Variants in EIF5B observed in about 807,000 individuals in gnomAD.
EIF5B encodes eIF-5B.
In EIF5B, 47 loss-of-function variants were observed where a neutral mutation model predicts 147.5. That is an observed-to-expected ratio of 0.32 (90% CI 0.25 to 0.41). The LOEUF is 0.41. Ranked by LOEUF, EIF5B falls within the 10% of genes least tolerant of loss-of-function variation. The pLI is 1.00. For missense variants in EIF5B, 1,064 were observed against 1,413.2 expected (o/e 0.75, Z 3.96); for synonymous variants, 455 against 456.2 (o/e 1.00, Z 0.03).
At position 99,376,348 on chromosome 2, in the gene EIF5B, A is replaced by G; in HGVS notation, c.1554A>G (p.Val518=). The change falls in exon 10 of 24, where the codon GTA becomes GTG. Residue 518 remains valine, a splice_region_variant and synonymous_variant. Transcript: ENST00000289371. The part of the protein sequence containing the change: ...AMASDEETEK[V]EGNKVHIEVK... ...TTAAAAATATATTTGCTTTCGTAGT[A>G]GAAGGAAACAAAGTTCATATAGAAG... is the stretch of plus-strand genomic sequence containing the variant. 7.2e-7 allele frequency: 1 copy of G among 1,387,484 alleles called. No individual in the cohort carries two copies. Among genetic ancestry groups the G allele is most frequent in the Middle Eastern group, 2.0e-4 (1 of 5,016 alleles). 85.9% of individuals were successfully genotyped at this position (1,387,484 alleles called of 1,614,324 possible). A position where few individuals can be genotyped will look rare whatever the true frequency, so the allele number is the denominator to read the frequency against.
chr2:99,377,898 C>G (rs1371906215), intron 10 of EIF5B, among the ~76,000 whole-genome samples: 2 of 152,162 alleles, frequency 1.3e-5, no homozygotes, highest in Admixed American at 1.3e-4. Flanking sequence ...GGTTTGTATT[C>G]TTGTCCTGTC....
intron 17 of EIF5B, among the ~76,000 whole-genome samples, chr2:99,392,263 T>C (rs1389858754): frequency 6.6e-6 from 1 of 151,934 alleles, no homozygotes; most frequent in Admixed American, 6.6e-5. Flanking sequence ...TTAGTAGAGG[T>C]GGGGTTTTGC....
At chr2:99,351,764 C>A (rs1329792309) in intron 1 of EIF5B, among the ~76,000 whole-genome samples, 2 of 152,072 alleles carry the variant, frequency 1.3e-5, no homozygotes, top group Non-Finnish European at 2.9e-5. Context: ...GTGGCGTGAT[C>A]TTGGCTCACT....
In EIF5B at chr2:99,361,160, A is replaced by G; in HGVS notation, c.259A>G (p.Asn87Asp). 6.6e-7 allele frequency: 1 copy of G among 1,510,018 alleles called. No individual in the cohort carries two copies. The highest frequency in any genetic ancestry group is 8.8e-7 in the Non-Finnish European group (1 of 1,134,316). 93.5% of individuals were successfully genotyped at this position (1,510,018 alleles called of 1,614,324 possible). Residue 87 changes from asparagine (N) to aspartate (D), a missense_variant, in exon 4 of 24, where the codon AAT (asparagine) becomes GAT (aspartate). Around this residue, in one of 4 missense-constraint regions of EIF5B, gnomAD observed 458 missense variants for 451.3 expected, o/e 1.01. Transcript: ENST00000289371. ...GGAAATTTTTTAGCCAACAGAAAAC[A>G]ATGAAGAGGAATTCACCTCAAAAGA... ...ETVAVKPTENNEEEFTSKDKK... is the reference protein window; with the variant it reads ...ETVAVKPTENDEEEFTSKDKK...
At chr2:99,393,525 G>A (rs936948550) in intron 18 of EIF5B, among the ~76,000 whole-genome samples, 12 of 151,926 alleles carry the variant, frequency 7.9e-5, no homozygotes, top group African/African-American at 2.9e-4. Context: ...GCTAGAAATT[G>A]TATATTCTTT....
At position 99,360,563 on chromosome 2, in the gene EIF5B, C is replaced by G; in HGVS notation, c.246+14C>G. On this transcript the variant is annotated intron_variant, in intron 3 of 23. Transcript: ENST00000289371. ...GTTGCAGTGAAGGTGAAAGACAGACCTTTGTTACCTATTCGTATTTCGTAT... is the reference window on the plus strand; with the variant it reads ...GTTGCAGTGAAGGTGAAAGACAGACGTTTGTTACCTATTCGTATTTCGTAT... 6.2e-7 allele frequency: 1 copy of G among 1,602,666 alleles called. No individual in the cohort carries two copies. Among genetic ancestry groups the G allele is most frequent in the Admixed American group, 1.8e-5 (1 of 56,900 alleles).
chr2:99,337,878 A>T (rs79624290), intron 1 of EIF5B, among the ~76,000 whole-genome samples: 22,402 of 152,264 alleles, frequency 0.15, 1,818 homozygotes, highest in East Asian at 0.25. Flanking sequence ...GGGGAGGGTC[A>T]GGCGGCTTCG....
intron 17 of EIF5B, among the ~76,000 whole-genome samples, chr2:99,392,221 C>T (rs1176249381): frequency 2.0e-5 from 3 of 151,846 alleles, no homozygotes; most frequent in Admixed American, 2.0e-4. Flanking sequence ...ATTACAGGTG[C>T]ACGCCACCAC....
At chr2:99,387,211 A>G (rs1278332581) in intron 14 of EIF5B, among the ~76,000 whole-genome samples, 2 of 152,104 alleles carry the variant, frequency 1.3e-5, no homozygotes, top group African/African-American at 4.8e-5. Flanking sequence ...CCTGGCCCCA[A>G]TTAATTTTTT....
intron 1 of EIF5B, among the ~76,000 whole-genome samples, chr2:99,353,049 C>A: frequency 8.9e-6 from 1 of 112,638 alleles, no homozygotes; most frequent in Admixed American, 1.2e-4. Context: ...GAGTCTCACT[C>A]TGTTGCCCAG....
intron 3 of EIF5B, among the ~76,000 whole-genome samples, 164 bp from the exon 4 acceptor site, chr2:99,360,984 C>T (rs114254402): frequency 4.6e-5 from 7 of 152,302 alleles, no homozygotes; most frequent in Non-Finnish European, 8.8e-5. Context: ...GAGGCCAAGG[C>T]CAACCTCTCT....
intron 1 of EIF5B, 72 bp downstream of exon 1, chr2:99,337,661 G>C: frequency 6.6e-7 from 1 of 1,526,324 alleles, no homozygotes; most frequent in South Asian, 1.2e-5. Flanking sequence ...CGCCGGGCGC[G>C]GCGTCGGACC....
chr2:99,337,512 G>A lies in EIF5B; in HGVS notation c.-43G>A. 2 of 1,604,864 alleles carry A rather than the reference G, an allele frequency of 1.2e-6. No individual in the cohort carries two copies. The highest frequency in any genetic ancestry group is 1.7e-6 in the Non-Finnish European group (2 of 1,175,790). On this transcript the variant is annotated 5_prime_UTR_variant, in exon 1 of 24. Coordinates refer to ENST00000289371, the MANE Select transcript of EIF5B (RefSeq NM_015904.4). ...GCCGGGAGACAGTGGGTCTGTGAGA[G>A]ACCGAATAGAGGGGCTGGGGCCACG... is the stretch of plus-strand genomic sequence containing the variant.
In EIF5B at chr2:99,399,820, T is replaced by TAA. The variant is rs1675165573; in HGVS notation, c.*407_*408dup. On this transcript the variant is annotated 3_prime_UTR_variant, in exon 24 of 24. Transcript: ENST00000289371. ...TGTGATTCTTGGGACTTTTTTGACG[T>TAA]AAGAAATACTTCTTTATTTATGCAT... 1 of 157,046 alleles carries TAA rather than the reference T, an allele frequency of 6.4e-6. No homozygotes were observed. The highest frequency in any genetic ancestry group is 1.4e-5 in the Non-Finnish European group (1 of 70,690). 9.7% of individuals were successfully genotyped at this position (157,046 alleles called of 1,614,324 possible).
chr2:99,392,096 TCA>T (rs1169754107), intron 17 of EIF5B, among the ~76,000 whole-genome samples: 2 of 152,152 alleles, frequency 1.3e-5, no homozygotes, highest in Non-Finnish European at 2.9e-5. Context: ...TGTGACTATA[TCA>T]CAACATATCT....
chr2:99,385,471 C>A (rs186071211), intron 14 of EIF5B, among the ~76,000 whole-genome samples: 9 of 152,330 alleles, frequency 5.9e-5, no homozygotes, highest in African/African-American at 2.2e-4. Context: ...CAGTAGCCAT[C>A]AACATCGAGG....
rs758793822 is a variant in EIF5B at position 99,394,774 on chromosome 2, G to T, written c.3145G>T (p.Ala1049Ser). Residue 1049 changes from alanine to serine, a missense_variant, in exon 21 of 24, where the codon GCT becomes TCT. Ala to Ser is a moderately conservative substitution (Grantham distance 99). Coordinates refer to ENST00000289371, the MANE Select transcript of EIF5B (RefSeq NM_015904.4). ...AATTGAACGAGATGCACAAGAAATG[G>T]CTGATAGTTTAGGAGTTAGAATTTT... is the stretch of plus-strand genomic sequence containing the variant. ...VRIERDAQEMADSLGVRIFSA... is the reference protein window; with the variant it reads ...VRIERDAQEMSDSLGVRIFSA... The T allele has an allele frequency of 5.0e-6, 8 of 1,612,962 alleles. No individual in the cohort carries two copies. The East Asian group carries it at 1.1e-4, about 22-fold the overall frequency.
rs1675267508 is a variant in EIF5B, at chr2:99,400,755, T to A, written c.*1341T>A. The A allele has an allele frequency of 6.6e-6, 1 of 152,666 alleles. No individual in the cohort carries two copies. The highest frequency in any genetic ancestry group is 1.5e-5 in the Non-Finnish European group (1 of 68,186). The allele number at this position is 152,666 out of a possible 1,614,324, so 9.5% of individuals were successfully genotyped here. ...TCTTAACATGCTCCTGTGTTCATGC[T>A]TGGAGACAAGAATAAGATGGTTTAG... On this transcript the variant is annotated 3_prime_UTR_variant, in exon 24 of 24. Transcript: ENST00000289371.
chr2:99,338,507 CA>C (rs2094249792), intron 1 of EIF5B: 1 of 386,372 alleles, frequency 2.6e-6, no homozygotes, highest in African/African-American at 2.1e-5. Context: ...CAGTCTGACT[CA>C]AAACAGATAT....
Sources: allele counts gnomAD v4.1 joint callset (sites outside exome capture counted in the v4.1 genomes callset), GRCh38; gene constraint gnomAD v4.1.1; regional missense constraint gnomAD v4.1.1; transcripts MANE v1.5; gene names NCBI Gene and HGNC (gene_info 2026-07-23, HGNC 2026-07-21).